Variants in PRSS3 observed in about 807,000 individuals in gnomAD.
PRSS3 encodes the protein trypsin-3.
Under a neutral mutation model 20.8 loss-of-function variants are expected in PRSS3, and 14 were observed. The observed-to-expected ratio is 0.67, with a 90% confidence interval of 0.44 to 1.05. The LOEUF is 1.05. Among genes scored for constraint, PRSS3 ranks in the 50% least tolerant of loss-of-function variants. The probability of loss-of-function intolerance (pLI) is 0.00; values close to 1 mark genes in which losing one functional copy is unlikely to be tolerated. For missense variants in PRSS3, 237 were observed against 306.4 expected, an observed-to-expected ratio of 0.77 and a Z score of 1.69; for synonymous variants, 91 against 117.6, an observed-to-expected ratio of 0.77 and a Z score of 1.46.
intron 1 of PRSS3, chr9:33,786,707 T>C: frequency 2.6e-6 from 2 of 766,244 alleles, no homozygotes; most frequent in Middle Eastern, 2.3e-4. Context: ...TGAGGCCACA[T>C]ATGAGAGCAG....
intron 1 of PRSS3, among the ~76,000 whole-genome samples, chr9:33,781,573 G>T (rs1043775789): frequency 1.3e-5 from 2 of 152,070 alleles, no homozygotes; most frequent in Non-Finnish European, 2.9e-5. Flanking sequence ...ACTACCTATT[G>T]GGTACTATGT....
At chr9:33,770,610 A>C (rs1184612628) in intron 1 of PRSS3, among the ~76,000 whole-genome samples, 1 of 152,216 alleles carries the variant, frequency 6.6e-6, no homozygotes, top group Non-Finnish European at 1.5e-5. Flanking sequence ...TAAAGAAGTA[A>C]TTAAATTAAA....
In PRSS3 at chr9:33,797,969, C is replaced by T. The variant is rs757264718; in HGVS notation, c.341C>T (p.Ser114Phe). Residue 114 changes from serine (S) to phenylalanine (F), a missense_variant, in exon 3 of 5, where the codon TCC becomes TTC. Transcript: ENST00000379405. ...AATGACATCATGCTGATCAAACTCTCCTCACCTGCCGTCATCAATGCCCGC... is the reference window on the plus strand; with the variant it reads ...AATGACATCATGCTGATCAAACTCTTCTCACCTGCCGTCATCAATGCCCGC... ...LDNDIMLIKLSSPAVINARVS... is the reference protein window; with the variant it reads ...LDNDIMLIKLFSPAVINARVS... 3 of 1,614,276 alleles carry T rather than the reference C, an allele frequency of 1.9e-6. No homozygotes were observed. The South Asian group carries it at 3.3e-5, about 18-fold the overall frequency.
intron 1 of PRSS3, among the ~76,000 whole-genome samples, chr9:33,770,087 G>A (rs1823615541): frequency 6.6e-6 from 1 of 152,008 alleles, no homozygotes; most frequent in South Asian, 2.1e-4. Context: ...AGAGGTTGGA[G>A]TGAGCCAAGA....
chr9:33,757,721 G>A (rs1823016530), intron 1 of PRSS3, among the ~76,000 whole-genome samples: 1 of 152,130 alleles, frequency 6.6e-6, no homozygotes, highest in African/African-American at 2.4e-5. Flanking sequence ...AGTGCCTTAT[G>A]CATAATAGGC....
intron 1 of PRSS3, among the ~76,000 whole-genome samples, chr9:33,762,909 A>T (rs1442724720): frequency 6.6e-6 from 1 of 152,210 alleles, no homozygotes; most frequent in Non-Finnish European, 1.5e-5. Context: ...CTTATTAAAC[A>T]TGTATTCTAG....
At chr9:33,760,152 A>G (rs1823123332) in intron 1 of PRSS3, among the ~76,000 whole-genome samples, 1 of 151,464 alleles carries the variant, frequency 6.6e-6, no homozygotes, top group Admixed American at 6.6e-5. Context: ...TGAGTTAAGG[A>G]TAGTGTTAAT....
At chr9:33,758,149 T>C (rs2118768309) in intron 1 of PRSS3, among the ~76,000 whole-genome samples, 1 of 152,312 alleles carries the variant, frequency 6.6e-6, no homozygotes, top group Non-Finnish European at 1.5e-5. Flanking sequence ...GAGCTTCTCT[T>C]TGATCTGTTC....
At chr9:33,763,706 A>AG (rs1823306143) in intron 1 of PRSS3, among the ~76,000 whole-genome samples, 1 of 151,908 alleles carries the variant, frequency 6.6e-6, no homozygotes, top group Non-Finnish European at 1.5e-5. Context: ...CTCAAAAAAA[A>AG]AAAAAAAAAA....
intron 1 of PRSS3, among the ~76,000 whole-genome samples, chr9:33,777,355 G>A (rs2118957072): frequency 6.6e-6 from 1 of 151,980 alleles, no homozygotes; most frequent in East Asian, 1.9e-4. Flanking sequence ...AGGAAGAAAT[G>A]AAGAGCACAA....
At chr9:33,783,950 A>C (rs1462981756) in intron 1 of PRSS3, among the ~76,000 whole-genome samples, 1 of 152,068 alleles carries the variant, frequency 6.6e-6, no homozygotes, top group African/African-American at 2.4e-5. Flanking sequence ...AACAAGCAAG[A>C]ACTATTATTT....
upstream of PRSS3, chr9:33,794,761 G>A (rs576103071): frequency 2.6e-4 from 404 of 1,546,386 alleles, 1 homozygote; most frequent in African/African-American, 1.7e-3. Flanking sequence ...CAGGACAACC[G>A]TGAGGCTGCA....
At chr9:33,761,694 G>A (rs529985557) in intron 1 of PRSS3, among the ~76,000 whole-genome samples, 3 of 151,858 alleles carry the variant, frequency 2.0e-5, no homozygotes, top group South Asian at 2.1e-4. Flanking sequence ...CAACAAGAGC[G>A]AAACTCCGCC....
intron 1 of PRSS3, among the ~76,000 whole-genome samples, chr9:33,789,933 G>T (rs1442897757): frequency 6.6e-6 from 1 of 152,100 alleles, no homozygotes; most frequent in Non-Finnish European, 1.5e-5. Flanking sequence ...TAGAAAATAA[G>T]AATAATAGTG....
upstream of PRSS3, chr9:33,795,512 C>T (rs1216974809): frequency 1.9e-6 from 3 of 1,594,350 alleles, no homozygotes; most frequent in Admixed American, 5.1e-5. Context: ...CACCTCCTCT[C>T]CTGATTCTTG....
chr9:33,757,911 G>T (rs1321801489), intron 1 of PRSS3, among the ~76,000 whole-genome samples: 2 of 152,110 alleles, frequency 1.3e-5, no homozygotes, highest in African/African-American at 4.8e-5. Context: ...AAACAAACTT[G>T]AAAGATATCT....
upstream of PRSS3, among the ~76,000 whole-genome samples, chr9:33,790,701 C>T (rs1031441675): frequency 6.6e-6 from 1 of 152,214 alleles, no homozygotes; most frequent in African/African-American, 2.4e-5. Flanking sequence ...TACCTCCTCA[C>T]ATGTGCATAA....
chr9:33,762,879 G>A (rs1823263787), intron 1 of PRSS3, among the ~76,000 whole-genome samples: 1 of 152,202 alleles, frequency 6.6e-6, no homozygotes, highest in African/African-American at 2.4e-5. Flanking sequence ...ACGAGCACCA[G>A]ACTAGAGAGG....
At chr9:33,797,514 C>T (rs1406990198) in intron 2 of PRSS3, among the ~76,000 whole-genome samples, 2 of 152,214 alleles carry the variant, frequency 1.3e-5, no homozygotes, top group East Asian at 1.9e-4. Flanking sequence ...CTACGAGGAG[C>T]TCTTTGTGCC....
Sources: allele counts gnomAD v4.1 joint callset (sites outside exome capture counted in the v4.1 genomes callset), GRCh38; gene constraint gnomAD v4.1.1; transcripts MANE v1.5; gene names NCBI Gene and HGNC (gene_info 2026-07-23, HGNC 2026-07-21).